The following UPF2 variants were observed in gnomAD, a reference collection of about 807,000 sequenced individuals.
UPF2 encodes the protein regulator of nonsense transcripts 2.
In UPF2, 17 loss-of-function variants were observed where a neutral mutation model predicts 141.4. That is an observed-to-expected ratio of 0.12 (90% CI 0.08 to 0.18). The LOEUF (loss-of-function observed/expected upper bound fraction) is 0.18, where lower values mean the gene tolerates loss of function less well. Ranked by LOEUF, UPF2 falls within the 10% of genes least tolerant of loss-of-function variation. The pLI is 1.00. For missense variants in UPF2, 1,152 were observed against 1,515.9 expected, an observed-to-expected ratio of 0.76 and a Z score of 3.99; for synonymous variants, 540 against 498.0, an observed-to-expected ratio of 1.08 and a Z score of -1.12.
intron 3 of UPF2, among the ~76,000 whole-genome samples, chr10:12,027,160 C>G (rs1834433268): frequency 6.6e-6 from 1 of 151,844 alleles, no homozygotes; most frequent in Admixed American, 6.6e-5. Flanking sequence ...ATAGTGTTTC[C>G]AACAGTGCAA....
At chr10:11,925,460 AG>A (rs1353743048) in intron 21 of UPF2, among the ~76,000 whole-genome samples, 6 of 152,384 alleles carry the variant, frequency 3.9e-5, no homozygotes, top group African/African-American at 1.4e-4. Context: ...GACTGTGAAA[AG>A]TTCTTTTGTC....
In UPF2 at chr10:11,959,412, C is replaced by A; in HGVS notation, c.2185-56G>T. Reference sequence around the variant, plus strand: ...ACGTTCCTTCTAAGATTCCTTTACTCCTAACTAAACTTCTATTCTCAGTGA... The same window carrying A: ...ACGTTCCTTCTAAGATTCCTTTACTACTAACTAAACTTCTATTCTCAGTGA... On this transcript the variant is annotated intron_variant, in intron 11 of 21. Coordinates refer to ENST00000357604, the MANE Select transcript of UPF2 (RefSeq NM_015542.4). This position sits in a 1 kb window ranked among gnomAD's most constrained non-coding sequence, Gnocchi z 5.9. The A allele has an allele frequency of 6.7e-7, 1 of 1,485,840 alleles. No homozygotes were observed. Among genetic ancestry groups the A allele is most frequent in the Admixed American group, 2.4e-5 (1 of 41,058 alleles). 92.0% of individuals were successfully genotyped at this position (1,485,840 alleles called of 1,614,324 possible). A position where few individuals can be genotyped will look rare whatever the true frequency, so the allele number is the denominator to read the frequency against.
rs73571315 is a variant in UPF2 at position 11,920,667 on chromosome 10, T to C, written c.*631A>G. 1.4e-3 allele frequency: 349 copies of C among 246,092 alleles called. No individual in the cohort carries two copies. The highest frequency in any genetic ancestry group is 7.4e-3 in the African/African-American group (330 of 44,514). The allele number at this position is 246,092 out of a possible 1,614,324, so 15.2% of individuals were successfully genotyped here. A position where few individuals can be genotyped will look rare whatever the true frequency, so the allele number is the denominator to read the frequency against. On this transcript the variant is annotated 3_prime_UTR_variant, in exon 22 of 22. Coordinates refer to ENST00000357604, the MANE Select transcript of UPF2 (RefSeq NM_015542.4). ...ATTTTATAGCACTGACTCTGATGGA[T>C]AAAACGGATTTTTCTCCCTCATCCC...
intron 3 of UPF2, among the ~76,000 whole-genome samples, chr10:12,020,770 C>A (rs1193577116): frequency 1.3e-5 from 2 of 152,180 alleles, no homozygotes; most frequent in African/African-American, 4.8e-5. Context: ...AAAACTGAAG[C>A]ACAGAGATGC....
In UPF2 at chr10:12,014,159, G is replaced by T; in HGVS notation, c.1171C>A (p.Leu391Ile). 6.6e-7 allele frequency: 1 copy of T among 1,521,442 alleles called. No individual in the cohort carries two copies. The highest frequency in any genetic ancestry group is 8.9e-7 in the Non-Finnish European group (1 of 1,126,820). The allele number at this position is 1,521,442 out of a possible 1,614,324, so 94.2% of individuals were successfully genotyped here. The change falls in exon 4 of 22, where the codon CTC becomes ATC. Residue 391 changes from leucine (L) to isoleucine (I), a missense_variant. Transcript: ENST00000357604. The surrounding 1 kb of genome is among the most constrained non-coding windows in gnomAD (Gnocchi z 5.0). ...NRRILHSKGE[L>I]SEDRHKQYEE... ...TACTGTTTATGTCTATCTTCACTGA[G>T]CTCCCCTTTAGAATGTAGAATGCGC...
intron 1 of UPF2, among the ~76,000 whole-genome samples, chr10:12,039,043 C>T (rs1689849358): frequency 6.6e-6 from 1 of 152,150 alleles, no homozygotes; most frequent in African/African-American, 2.4e-5. Context: ...AATGTGAAAA[C>T]ATCACGCCCT....
In UPF2 at chr10:11,979,986, C is replaced by A. The variant is rs889037080; in HGVS notation, c.1845-821G>T. On this transcript the variant is annotated intron_variant, in intron 8 of 21. Transcript: ENST00000357604. This position sits in a 1 kb window ranked among gnomAD's most constrained non-coding sequence, Gnocchi z 6.2. ...AAAATAATATTACAAAATCTAAATA[C>A]TAATTTATGTATTTCAACTCATTAC... Among the ~76,000 whole-genome samples the A allele has an allele frequency of 6.6e-6, 1 of 152,166 alleles. No individual in the cohort carries two copies. Among genetic ancestry groups the A allele is most frequent in the Non-Finnish European group, 1.5e-5 (1 of 68,032 alleles).
At chr10:11,961,800 G>T (rs1193620223) in intron 11 of UPF2, among the ~76,000 whole-genome samples, 1 of 152,096 alleles carries the variant, frequency 6.6e-6, no homozygotes, top group Non-Finnish European at 1.5e-5. Flanking sequence ...CTTTCCTATG[G>T]ACTGCTTTTC....
intron 9 of UPF2, 91 bp from the exon 10 acceptor site, chr10:11,967,545 AGTTT>A: frequency 2.6e-6 from 1 of 389,200 alleles, no homozygotes; most frequent in Non-Finnish European, 4.3e-6. Context: ...AATTCACTCC[AGTTT>A]TTTTTTTTTT....
At chr10:12,018,320 C>G (rs981743212) in intron 3 of UPF2, among the ~76,000 whole-genome samples, 137 of 152,226 alleles carry the variant, frequency 9.0e-4, no homozygotes, top group African/African-American at 3.2e-3. Context: ...CTATGGCTCA[C>G]ACCTGTAATC....
At chr10:11,947,000 G>A (rs1234034191) in intron 16 of UPF2, among the ~76,000 whole-genome samples, 1 of 152,198 alleles carries the variant, frequency 6.6e-6, no homozygotes, top group African/African-American at 2.4e-5. Context: ...CCAGGAGTTC[G>A]AGATTAGGTT....
At chr10:12,027,956 G>T (rs1272846016) in intron 3 of UPF2, among the ~76,000 whole-genome samples, 1 of 152,122 alleles carries the variant, frequency 6.6e-6, no homozygotes, top group Admixed American at 6.5e-5. Flanking sequence ...TCAGCCACGT[G>T]CTATGGCTAT....
At chr10:11,988,704 C>T (rs1833734343) in intron 8 of UPF2, among the ~76,000 whole-genome samples, 2 of 152,136 alleles carry the variant, frequency 1.3e-5, no homozygotes. Flanking sequence ...TATTTCCTTG[C>T]CCCCTCTCCC....
At chr10:11,925,185 ATGTTTG>A (rs1832696655) in intron 21 of UPF2, among the ~76,000 whole-genome samples, 2 of 152,200 alleles carry the variant, frequency 1.3e-5, no homozygotes, top group Non-Finnish European at 2.9e-5. Context: ...TCATGTTTCC[ATGTTTG>A]TTCATCTACC....
intron 11 of UPF2, among the ~76,000 whole-genome samples, chr10:11,960,633 G>A (rs7898387): frequency 2.0e-5 from 3 of 151,736 alleles, no homozygotes; most frequent in South Asian, 2.1e-4. Context: ...GGTAGTATGC[G>A]CTGTCATCCC....
At position 12,029,217 on chromosome 10, in the gene UPF2, G is replaced by A. The variant is rs767796074; in HGVS notation, c.673C>T (p.Leu225Phe). ...KISDVNCAVH[L>F]CSLFHQRYAD... ...TAACGCTGGTGAAAGAGAGAGCAGA[G>A]GTGCACAGCACAGTTCACATCAGAG... The change falls in exon 3 of 22, where the codon CTC (leucine) becomes TTC (phenylalanine). Residue 225 changes from leucine to phenylalanine, a missense_variant. Coordinates refer to ENST00000357604, the MANE Select transcript of UPF2 (RefSeq NM_015542.4). 6.2e-7 allele frequency: 1 copy of A among 1,614,076 alleles called. No individual in the cohort carries two copies. Among genetic ancestry groups the A allele is most frequent in the African/African-American group, 1.3e-5 (1 of 74,954 alleles).
rs1833102529 is a variant in UPF2, at chr10:11,953,396, T to C, written c.2851-1147A>G. 6.6e-6 allele frequency among the ~76,000 whole-genome samples: 1 copy of C among 152,206 alleles called. No homozygotes were observed. Among genetic ancestry groups the C allele is most frequent in the African/African-American group, 2.4e-5 (1 of 41,458 alleles). On this transcript the variant is annotated intron_variant, in intron 14 of 21. Coordinates refer to ENST00000357604, the MANE Select transcript of UPF2 (RefSeq NM_015542.4). The surrounding 1 kb of genome is among the most constrained non-coding windows in gnomAD (Gnocchi z 5.0). ...AAGCACTGCTCCAGGGGATCCTTTC[T>C]TCCTGACCTTCTAATACTAAACTGT... is the stretch of plus-strand genomic sequence containing the variant.
intron 15 of UPF2, among the ~76,000 whole-genome samples, chr10:11,950,886 G>A (rs1306355783): frequency 1.3e-5 from 2 of 152,202 alleles, no homozygotes; most frequent in African/African-American, 4.8e-5. Context: ...ATCAGTAGCA[G>A]CACTTGTAAA....
intron 16 of UPF2, among the ~76,000 whole-genome samples, chr10:11,944,442 C>T (rs766527629): frequency 2.6e-5 from 4 of 152,110 alleles, no homozygotes; most frequent in Non-Finnish European, 4.4e-5. Context: ...TGCAGTGAGC[C>T]AAGGTTGTAC....
Sources: allele counts gnomAD v4.1 joint callset (sites outside exome capture counted in the v4.1 genomes callset), GRCh38; gene constraint gnomAD v4.1.1; non-coding constraint Gnocchi (gnomAD v3.1); transcripts MANE v1.5; gene names NCBI Gene and HGNC (gene_info 2026-07-23, HGNC 2026-07-21).